Variants in BIRC6 observed in about 807,000 individuals in gnomAD.
BIRC6 encodes baculoviral IAP repeat containing 6, also known as dual E2 ubiquitin-conjugating enzyme/E3 ubiquitin-protein ligase BIRC6.
In BIRC6, 98 loss-of-function variants were observed where a neutral mutation model predicts 503.3. The ratio of observed to expected loss-of-function variants is 0.19; its 90% CI spans 0.17 to 0.23. BIRC6 has a LOEUF of 0.23. Ranked by LOEUF, BIRC6 falls within the 10% of genes least tolerant of loss-of-function variation. The probability of loss-of-function intolerance (pLI) is 1.00; values close to 1 mark genes in which losing one functional copy is unlikely to be tolerated. For synonymous variants in BIRC6, 2,240 were observed against 2,078.7 expected, an observed-to-expected ratio of 1.08 and a Z score of -2.11; for missense variants, 5,360 against 5,806.0, an observed-to-expected ratio of 0.92 and a Z score of 2.50.
intron 32 of BIRC6, among the ~76,000 whole-genome samples, chr2:32,471,990 T>A (rs947156980): frequency 1.3e-5 from 2 of 152,212 alleles, no homozygotes; most frequent in African/African-American, 4.8e-5. Flanking sequence ...TATTGATTTT[T>A]AAAAAATAAT....
At chr2:32,576,195 G>A (rs1465752502) in intron 66 of BIRC6, among the ~76,000 whole-genome samples, 1 of 152,126 alleles carries the variant, frequency 6.6e-6, no homozygotes, top group Non-Finnish European at 1.5e-5. Flanking sequence ...TAATTCTTAG[G>A]TTTATGGATT....
At chr2:32,427,136 G>T (rs1276512026) in intron 10 of BIRC6, among the ~76,000 whole-genome samples, 1 of 152,024 alleles carries the variant, frequency 6.6e-6, no homozygotes, top group Non-Finnish European at 1.5e-5. Context: ...GAACTTGAGT[G>T]AATTTGTGGT....
intron 48 of BIRC6, 43 bp from the exon 49 acceptor site, chr2:32,502,999 C>G: frequency 1.3e-6 from 2 of 1,526,994 alleles, no homozygotes; most frequent in Non-Finnish European, 8.9e-7. Flanking sequence ...GTTGAACCAT[C>G]TGTCCTGAGA....
chr2:32,485,643 C>A lies in BIRC6; in HGVS notation c.7697C>A (p.Ala2566Asp), dbSNP rs1045579362. Residue 2566 changes from alanine to aspartate, a missense_variant and splice_region_variant, in exon 40 of 74, where the codon GCC becomes GAC. Transcript: ENST00000421745. ...TTTTTCTTTCAATTGCTTTTTGTAGCCCTGGATGCTCGCCTAGAAGTTGGA... is the reference window on the plus strand; with the variant it reads ...TTTTTCTTTCAATTGCTTTTTGTAGACCTGGATGCTCGCCTAGAAGTTGGA... ...SQTVSVSVSQ[A>D]LDARLEVGLE... is the part of the protein sequence containing the mutation. 27 of 1,604,036 alleles carry A rather than the reference C, an allele frequency of 1.7e-5. No individual in the cohort carries two copies. Among genetic ancestry groups the A allele is most frequent in the Non-Finnish European group, 2.2e-5 (26 of 1,171,648 alleles).
intron 65 of BIRC6, 48 bp downstream of exon 65, chr2:32,549,529 T>A: frequency 7.7e-7 from 1 of 1,290,422 alleles, no homozygotes; most frequent in East Asian, 2.7e-5. Flanking sequence ...TTTTGTTTGC[T>A]TATTTTATCA....
intron 23 of BIRC6, among the ~76,000 whole-genome samples, chr2:32,461,078 C>CTGT (rs2047899938): frequency 9.6e-4 from 4 of 4,162 alleles, no homozygotes; most frequent in African/African-American, 1.7e-3. Flanking sequence ...TTCTCCTCTC[C>CTGT]TCTCCTCTCC....
At chr2:32,479,938 A>G (rs1011414842) in intron 37 of BIRC6, among the ~76,000 whole-genome samples, 2 of 152,156 alleles carry the variant, frequency 1.3e-5, no homozygotes, top group Non-Finnish European at 2.9e-5. Flanking sequence ...AAGATCCAGC[A>G]TGTGATTTTT....
At position 32,501,835 on chromosome 2, in the gene BIRC6, A is replaced by G. The variant is rs1338857580; in HGVS notation, c.9154A>G (p.Met3052Val). The change falls in exon 47 of 74, where the codon ATG becomes GTG. Residue 3052 changes from methionine (M) to valine (V), a missense_variant. By Grantham distance (21) the Met-to-Val change is conservative. Transcript: ENST00000421745. Reference sequence around the variant, plus strand: ...TAGTAAAAAAGCTTCTACAGTCCACATGATGCTGCAGCCAATTTTAACATA... The same window carrying G: ...TAGTAAAAAAGCTTCTACAGTCCACGTGATGCTGCAGCCAATTTTAACATA... ...TLSKKASTVH[M>V]MLQPILTYMA... 6 of 1,613,816 alleles carry G rather than the reference A, an allele frequency of 3.7e-6. No homozygotes were observed. Among genetic ancestry groups the G allele is most frequent in the Non-Finnish European group, 5.1e-6 (6 of 1,179,854 alleles).
chr2:32,550,932 C>A lies in BIRC6; in HGVS notation c.13144+1451C>A, dbSNP rs114567431. ...TGTGACAGATCGAAGTTTGACCTTT[C>A]TTTTATGATGTATTATTTTCCTGGA... On this transcript the variant is annotated intron_variant, in intron 65 of 73. Transcript: ENST00000421745. Among the ~76,000 whole-genome samples the A allele has an allele frequency of 8.5e-3, 1,289 of 152,138 alleles. 8 individuals carry two copies. Among genetic ancestry groups the A allele is most frequent in the Middle Eastern group, 0.02 (6 of 294 alleles).
chr2:32,503,316 C>T, intron 49 of BIRC6, 80 bp downstream of exon 49: 1 of 1,199,986 alleles, frequency 8.3e-7, no homozygotes. Flanking sequence ...TAGTTGAAGT[C>T]AGTTGATGAT....
At chr2:32,443,308 A>G in intron 19 of BIRC6, 183 bp from the exon 20 acceptor site, 1 of 522,078 alleles carries the variant, frequency 1.9e-6, no homozygotes, top group Non-Finnish European at 3.3e-6. Flanking sequence ...GAAAATATTT[A>G]CAACCCTCCT....
intron 63 of BIRC6, among the ~76,000 whole-genome samples, chr2:32,546,181 TG>T (rs2058043300): frequency 6.6e-6 from 1 of 152,102 alleles, no homozygotes; most frequent in African/African-American, 2.4e-5. Flanking sequence ...TACTATAGAA[TG>T]GGGGTTGTGG....
intron 45 of BIRC6, among the ~76,000 whole-genome samples, chr2:32,497,377 G>A (rs78459198): frequency 0.034 from 5,137 of 152,282 alleles, 137 homozygotes; most frequent in African/African-American, 0.074. Flanking sequence ...TAACATATCA[G>A]TCCATTTTAT....
rs140854069 is a variant in BIRC6 at position 32,392,725 on chromosome 2, G to A, written c.951+575G>A. Reference sequence around the variant, plus strand: ...TCAGTCTCAACCTTCCCAGGCACAGGTGATCCGCCCACCTCAGCCTCCCTG... The same window carrying A: ...TCAGTCTCAACCTTCCCAGGCACAGATGATCCGCCCACCTCAGCCTCCCTG... On this transcript the variant is annotated intron_variant, in intron 5 of 73. Transcript: ENST00000421745. 1.8e-3 allele frequency among the ~76,000 whole-genome samples: 268 copies of A among 152,144 alleles called. 2 individuals carry two copies. The highest frequency in any genetic ancestry group is 6.3e-3 in the African/African-American group (260 of 41,504).
intron 26 of BIRC6, among the ~76,000 whole-genome samples, chr2:32,467,278 C>T (rs1299323373): frequency 6.6e-6 from 1 of 152,188 alleles, no homozygotes; most frequent in African/African-American, 2.4e-5. Flanking sequence ...ACTAGAGGCA[C>T]TTGCCACTGT....
chr2:32,367,178 G>A (rs776504478), intron 1 of BIRC6, among the ~76,000 whole-genome samples: 148 of 342 alleles, frequency 0.43, 1 homozygote, highest in Admixed American at 0.5. Flanking sequence ...AAAACAGTCT[G>A]TGGCCTGGGC....
Position 32,468,663 on chromosome 2 carries a change from A to G in BIRC6, c.6007A>G (p.Lys2003Glu). 2 of 1,614,006 alleles carry G rather than the reference A, an allele frequency of 1.2e-6. No homozygotes were observed. Among genetic ancestry groups the G allele is most frequent in the Admixed American group, 1.7e-5 (1 of 60,032 alleles). Residue 2003 changes from lysine to glutamate, a missense_variant, in exon 29 of 74, where the codon AAG becomes GAG. Lys to Glu is a moderately conservative substitution (Grantham distance 56). Around this residue, in one of 16 missense-constraint regions of BIRC6, gnomAD observed 2,299 missense variants for 2,267.2 expected, o/e 1.01. Transcript: ENST00000421745. ...CAAAGTGGCGCTAGGTGCAAGCCGG[A>G]AGATGTTGAGTGAAACATCAAATCC... ...RLKVALGASR[K>E]MLSETSNPED...
chr2:32,457,086 A>G (rs897322954), intron 23 of BIRC6, among the ~76,000 whole-genome samples: 13 of 152,036 alleles, frequency 8.6e-5, no homozygotes, highest in South Asian at 2.1e-4. Context: ...TAAGTTTGCT[A>G]TTTCTCCGAG....
intron 57 of BIRC6, among the ~76,000 whole-genome samples, chr2:32,519,720 G>A (rs1201383560): frequency 6.6e-6 from 1 of 152,110 alleles, no homozygotes; most frequent in Non-Finnish European, 1.5e-5. Flanking sequence ...TTTTCACCAT[G>A]TTGGCCAGGC....
Sources: allele counts gnomAD v4.1 joint callset (sites outside exome capture counted in the v4.1 genomes callset), GRCh38; gene constraint gnomAD v4.1.1; regional missense constraint gnomAD v4.1.1; transcripts MANE v1.5; gene names NCBI Gene and HGNC (gene_info 2026-07-23, HGNC 2026-07-21).